Variants in NTM observed in about 807,000 individuals in gnomAD.
NTM encodes neurotrimin.
Under a neutral mutation model 42.1 loss-of-function variants are expected in NTM, and 13 were observed. The ratio of observed to expected loss-of-function variants is 0.31; its 90% CI spans 0.20 to 0.49. The LOEUF (loss-of-function observed/expected upper bound fraction) is 0.49. Among genes scored for constraint, NTM ranks in the 20% least tolerant of loss-of-function variants. The probability of loss-of-function intolerance (pLI) is 0.99; values close to 1 mark genes in which losing one functional copy is unlikely to be tolerated. For synonymous variants in NTM, 187 were observed against 179.2 expected, an observed-to-expected ratio of 1.04 and a Z score of -0.35; for missense variants, 373 against 452.8, an observed-to-expected ratio of 0.82 and a Z score of 1.60.
chr11:131,679,225 A>G (rs756233414), intron 1 of NTM, among the ~76,000 whole-genome samples: 4 of 151,890 alleles, frequency 2.6e-5, no homozygotes, highest in Non-Finnish European at 5.9e-5. Context: ...CTCTTCACCC[A>G]TCTCCTCCCC....
chr11:131,858,527 C>T (rs1366218611), intron 1 of NTM, among the ~76,000 whole-genome samples: 1 of 152,172 alleles, frequency 6.6e-6, no homozygotes, highest in Non-Finnish European at 1.5e-5. Context: ...TGTCACCATT[C>T]GTAGAACCCA....
At chr11:132,334,989 C>T (rs574418794) in intron 8 of NTM, 57 bp from the exon 9 acceptor site, 32 of 1,587,964 alleles carry the variant, frequency 2.0e-5, no homozygotes, top group South Asian at 4.5e-5. Context: ...AGGCAACCAC[C>T]GGGCTTTCCT....
At position 132,205,955 on chromosome 11, in the gene NTM, G is replaced by C. The variant is rs368983902; in HGVS notation, c.401-6067G>C. ...CCCTAGAAGGTCTAGGGGTCTCCCT[G>C]TGCAGCCGTCCAGATGCTACTTAAC... is the stretch of plus-strand genomic sequence containing the variant. On this transcript the variant is annotated intron_variant, in intron 3 of 8. Transcript: ENST00000683400. 3.3e-5 allele frequency among the ~76,000 whole-genome samples: 5 copies of C among 152,132 alleles called. No individual in the cohort carries two copies. The East Asian group carries it at 5.8e-4, about 18-fold the overall frequency.
At chr11:132,160,258 G>A (rs776364241) in intron 3 of NTM, among the ~76,000 whole-genome samples, 1 of 152,088 alleles carries the variant, frequency 6.6e-6, no homozygotes, top group Non-Finnish European at 1.5e-5. Context: ...AATTTTTCGT[G>A]CAAAAAAGCT....
At chr11:131,428,792 T>G (rs1167492088) in intron 1 of NTM, among the ~76,000 whole-genome samples, 4 of 149,080 alleles carry the variant, frequency 2.7e-5, no homozygotes, top group Non-Finnish European at 5.9e-5. Flanking sequence ...CCCAGCACTT[T>G]GGGAGGCTGA....
intron 4 of NTM, among the ~76,000 whole-genome samples, chr11:132,242,666 A>C (rs2090426080): frequency 6.6e-6 from 1 of 152,220 alleles, no homozygotes; most frequent in African/African-American, 2.4e-5. Context: ...AGCAGCCACA[A>C]AGTGTCTGAG....
In NTM at chr11:131,483,403, C is replaced by T. The variant is rs188548395; in HGVS notation, c.82+112515C>T. Among the ~76,000 whole-genome samples, 8 of 152,254 alleles carry T rather than the reference C, an allele frequency of 5.3e-5. No homozygotes were observed. The East Asian group carries it at 9.7e-4, about 18-fold the overall frequency. ...TGGGCATTACAAACCCATTTGTAAA[C>T]GTGCAAACTGAGGCCTAGTGCCATA... On this transcript the variant is annotated intron_variant, in intron 1 of 8. Coordinates refer to ENST00000683400, the MANE Select transcript of NTM (RefSeq NM_001352005.2).
intron 1 of NTM, among the ~76,000 whole-genome samples, chr11:131,420,728 G>C (rs1002591708): frequency 1.3e-5 from 2 of 152,182 alleles, no homozygotes; most frequent in African/African-American, 2.4e-5. Context: ...CTGGAAGTGG[G>C]TGGGCTCAGG....
At chr11:131,556,719 C>T (rs1179388094) in intron 1 of NTM, among the ~76,000 whole-genome samples, 1 of 152,024 alleles carries the variant, frequency 6.6e-6, no homozygotes, top group African/African-American at 2.4e-5. Context: ...AGGCATGCGC[C>T]ACCACACCCA....
At chr11:131,592,608 C>T (rs1488686395) in intron 1 of NTM, among the ~76,000 whole-genome samples, 1 of 150,808 alleles carries the variant, frequency 6.6e-6, no homozygotes, top group Non-Finnish European at 1.5e-5. Context: ...TTCCTCTCTC[C>T]TATTCACCTC....
intron 1 of NTM, among the ~76,000 whole-genome samples, chr11:131,835,660 C>CCAA (rs1322726744): frequency 2.6e-4 from 40 of 152,090 alleles, no homozygotes; most frequent in African/African-American, 9.4e-4. Context: ...GGTACAAACA[C>CCAA]TCTGGAAAAT....
chr11:131,480,293 C>G lies in NTM; in HGVS notation c.82+109405C>G, dbSNP rs560876360. On this transcript the variant is annotated intron_variant, in intron 1 of 8. Coordinates refer to ENST00000683400, the MANE Select transcript of NTM (RefSeq NM_001352005.2). Reference sequence around the variant, plus strand: ...GATGCATTGATGTACCAGCACAATGCCTTATGCCACTGAAGGACAACTCTG... The same window carrying G: ...GATGCATTGATGTACCAGCACAATGGCTTATGCCACTGAAGGACAACTCTG... Among the ~76,000 whole-genome samples, 14 of 152,226 alleles carry G rather than the reference C, an allele frequency of 9.2e-5. No homozygotes were observed. The South Asian group carries it at 2.7e-3, about 29-fold the overall frequency.
chr11:131,701,705 G>A (rs749971770), intron 1 of NTM, among the ~76,000 whole-genome samples: 14 of 152,074 alleles, frequency 9.2e-5, no homozygotes, highest in Non-Finnish European at 1.8e-4. Context: ...TGAGGGCCTT[G>A]TTATTTCTTC....
chr11:131,596,702 C>G (rs953223787), intron 1 of NTM, among the ~76,000 whole-genome samples: 4 of 152,240 alleles, frequency 2.6e-5, no homozygotes, highest in African/African-American at 4.8e-5. Flanking sequence ...CTGTCTGGAG[C>G]CCTGTACTCC....
At chr11:131,775,231 G>A (rs2086772275) in intron 1 of NTM, among the ~76,000 whole-genome samples, 2 of 152,194 alleles carry the variant, frequency 1.3e-5, no homozygotes, top group Admixed American at 1.3e-4. Context: ...GTTAGATTTG[G>A]AGCATTACAA....
Position 131,885,100 on chromosome 11 carries a change from A to T in NTM, c.83-26464A>T, listed in dbSNP as rs180946481. 7.2e-5 allele frequency among the ~76,000 whole-genome samples: 11 copies of T among 152,292 alleles called. No individual in the cohort carries two copies. In the East Asian group the frequency reaches 1.7e-3, roughly 24 times the overall value. On this transcript the variant is annotated intron_variant, in intron 1 of 8. Coordinates refer to ENST00000683400, the MANE Select transcript of NTM (RefSeq NM_001352005.2). ...GAGTAGAGCAGGGTTGACAGAGGCC[A>T]CGGCTCTGAGGAGTGAGTAGGTCTG...
intron 1 of NTM, among the ~76,000 whole-genome samples, chr11:131,806,668 G>C (rs117224859): frequency 0.013 from 2,010 of 152,228 alleles, 21 homozygotes; most frequent in Non-Finnish European, 0.02. Context: ...GCGAGGAGTG[G>C]TTCCCGGATT....
intron 1 of NTM, among the ~76,000 whole-genome samples, chr11:131,461,022 A>G (rs574617597): frequency 6.6e-6 from 1 of 152,326 alleles, no homozygotes; most frequent in East Asian, 1.9e-4. Flanking sequence ...AATCAGTACA[A>G]AATATTTGTA....
chr11:131,842,256 A>G (rs1287427388), intron 1 of NTM, among the ~76,000 whole-genome samples: 1 of 152,202 alleles, frequency 6.6e-6, no homozygotes, highest in Non-Finnish European at 1.5e-5. Flanking sequence ...TTTGGAACAT[A>G]TGAGTCCATG....
Sources: allele counts gnomAD v4.1 joint callset (sites outside exome capture counted in the v4.1 genomes callset), GRCh38; gene constraint gnomAD v4.1.1; transcripts MANE v1.5; gene names NCBI Gene and HGNC (gene_info 2026-07-23, HGNC 2026-07-21).